PIBF1: variants seen among roughly 807,000 people sequenced by gnomAD.
The protein encoded by PIBF1 is progesterone-induced-blocking factor 1.
Under a neutral mutation model 112.5 loss-of-function variants are expected in PIBF1, and 90 were observed. The observed-to-expected ratio is 0.80, with a 90% CI of 0.67 to 0.95. The LOEUF is 0.95. Ranked by LOEUF, PIBF1 falls within the 40% of genes least tolerant of loss-of-function variation. The pLI, the probability that PIBF1 is intolerant of heterozygous loss-of-function variation, is 0.00. For missense variants in PIBF1, 915 were observed against 852.3 expected, an observed-to-expected ratio of 1.07 and a Z score of -0.92; for synonymous variants, 301 against 288.6, an observed-to-expected ratio of 1.04 and a Z score of -0.44.
At chr13:72,855,581 A>G (rs1339587149) in intron 10 of PIBF1, among the ~76,000 whole-genome samples, 3 of 152,128 alleles carry the variant, frequency 2.0e-5, no homozygotes, top group Non-Finnish European at 4.4e-5. Flanking sequence ...CCCAGGAGGC[A>G]GAGATTGCAG....
chr13:72,831,197 T>C (rs1054768486), intron 8 of PIBF1, among the ~76,000 whole-genome samples: 2 of 151,966 alleles, frequency 1.3e-5, no homozygotes, highest in African/African-American at 2.4e-5. Flanking sequence ...ATTTTGTTGA[T>C]CTTTACAAAA....
intron 5 of PIBF1, among the ~76,000 whole-genome samples, chr13:72,820,403 C>T (rs564038964): frequency 1.5e-4 from 23 of 152,188 alleles, no homozygotes; most frequent in East Asian, 1.4e-3. Flanking sequence ...GATGATCTTT[C>T]GGGAGGTGAT....
At chr13:72,993,786 T>G (rs1053313127) in intron 16 of PIBF1, among the ~76,000 whole-genome samples, 1 of 151,128 alleles carries the variant, frequency 6.6e-6, no homozygotes, top group Non-Finnish European at 1.5e-5. Context: ...ATCAGAGTTT[T>G]CAGAAATTTG....
chr13:72,978,660 C>T (rs889381875), intron 16 of PIBF1, among the ~76,000 whole-genome samples: 2 of 152,030 alleles, frequency 1.3e-5, no homozygotes, highest in Admixed American at 6.5e-5. Flanking sequence ...TCCTCTTTCA[C>T]TTTTGATACC....
At chr13:72,871,704 C>T (rs2039173406) in intron 10 of PIBF1, among the ~76,000 whole-genome samples, 1 of 152,164 alleles carries the variant, frequency 6.6e-6, no homozygotes, top group Middle Eastern at 3.2e-3. Context: ...CTCACTTGCA[C>T]CACTTGTCAG....
chr13:73,015,785 C>A, intron 17 of PIBF1, 84 bp from the exon 18 acceptor site: 1 of 618,144 alleles, frequency 1.6e-6, no homozygotes, highest in Non-Finnish European at 2.5e-6. Flanking sequence ...ATAAAAAAAC[C>A]TCAATGTATA....
At chr13:72,847,260 A>G (rs559463178) in intron 9 of PIBF1, among the ~76,000 whole-genome samples, 2 of 152,342 alleles carry the variant, frequency 1.3e-5, no homozygotes, top group East Asian at 3.9e-4. Context: ...ACAAACAAAA[A>G]TCTGCTTGAG....
intron 5 of PIBF1, among the ~76,000 whole-genome samples, chr13:72,805,054 AC>A (rs2035655876): frequency 6.6e-6 from 1 of 152,074 alleles, no homozygotes; most frequent in Admixed American, 6.5e-5. Context: ...GCTCACTGGA[AC>A]CTTTGCCTCC....
rs9600025 is a variant in PIBF1 at position 72,791,301 on chromosome 13, G to T, written c.253-1146G>T. 8.4e-3 allele frequency among the ~76,000 whole-genome samples: 1,278 copies of T among 152,124 alleles called. 24 individuals carry two copies. Among genetic ancestry groups the T allele is most frequent in the Middle Eastern group, 0.027 (8 of 294 alleles). On this transcript the variant is annotated intron_variant, in intron 2 of 17. Transcript: ENST00000326291. ...CATCTCCTGACCTTGTGATACACCC[G>T]CCTCATCCTCCCAAAGTGCTGGGAT...
chr13:72,789,837 C>G (rs940672648), intron 2 of PIBF1, among the ~76,000 whole-genome samples: 1 of 151,844 alleles, frequency 6.6e-6, no homozygotes, highest in South Asian at 2.1e-4. Flanking sequence ...CATAGTGACT[C>G]TCAAAAAGTT....
intron 15 of PIBF1, among the ~76,000 whole-genome samples, chr13:72,967,608 C>A (rs2042776309): frequency 1.3e-5 from 2 of 152,016 alleles, no homozygotes; most frequent in African/African-American, 4.8e-5. Context: ...GATAATATTT[C>A]TTTAGCTAAA....
intron 9 of PIBF1, among the ~76,000 whole-genome samples, chr13:72,845,447 T>C (rs183664164): frequency 3.3e-4 from 51 of 152,348 alleles, no homozygotes; most frequent in Non-Finnish European, 6.2e-4. Flanking sequence ...GCAATAAATA[T>C]ATGTGTCCAT....
intron 14 of PIBF1, among the ~76,000 whole-genome samples, chr13:72,935,465 G>T (rs892733227): frequency 1.3e-5 from 2 of 152,122 alleles, no homozygotes; most frequent in Non-Finnish European, 2.9e-5. Flanking sequence ...ATGGACATTG[G>T]AGTCATTTCC....
At chr13:72,896,746 CAAAG>C (rs569628945) in intron 11 of PIBF1, among the ~76,000 whole-genome samples, 88 of 151,936 alleles carry the variant, frequency 5.8e-4, no homozygotes, top group African/African-American at 1.9e-3. Context: ...CCAAAAAAGA[CAAAG>C]AAAAAAGAAT....
intron 14 of PIBF1, among the ~76,000 whole-genome samples, chr13:72,931,718 G>GTATATATATATA (rs3077704): frequency 0.098 from 9,901 of 101,330 alleles, 823 homozygotes; most frequent in Admixed American, 0.12. Flanking sequence ...TTTAAACTAC[G>GTATATATATATA]TATATATATA....
At chr13:73,014,315 CCAGCT>C (rs1201071834) in intron 17 of PIBF1, among the ~76,000 whole-genome samples, 7 of 152,062 alleles carry the variant, frequency 4.6e-5, no homozygotes, top group Non-Finnish European at 1.5e-5. Flanking sequence ...AGAATACTTC[CCAGCT>C]CATTTTGCAA....
chr13:72,863,041 G>A (rs1382162437), intron 10 of PIBF1, among the ~76,000 whole-genome samples: 1 of 151,956 alleles, frequency 6.6e-6, no homozygotes, highest in Non-Finnish European at 1.5e-5. Flanking sequence ...CATATATAAT[G>A]TTCTCAGATT....
At chr13:72,918,706 CTTTTT>C (rs71099768) in intron 13 of PIBF1, among the ~76,000 whole-genome samples, 1 of 132,554 alleles carries the variant, frequency 7.5e-6, no homozygotes, top group African/African-American at 2.8e-5. Context: ...GCAACTACAT[CTTTTT>C]TTTTTTTTTT....
chr13:72,942,131 T>C (rs1320120919), intron 14 of PIBF1, among the ~76,000 whole-genome samples: 2 of 152,118 alleles, frequency 1.3e-5, no homozygotes, highest in East Asian at 3.9e-4. Context: ...GGAAAGAGTC[T>C]GTGGCACATA....
Sources: allele counts gnomAD v4.1 joint callset (sites outside exome capture counted in the v4.1 genomes callset), GRCh38; gene constraint gnomAD v4.1.1; transcripts MANE v1.5; gene names NCBI Gene and HGNC (gene_info 2026-07-23, HGNC 2026-07-21).